The following DMBT1 variants were observed in gnomAD, a reference collection of about 807,000 sequenced individuals.
The protein encoded by DMBT1 is deleted in malignant brain tumors 1.
A neutral mutation model predicts 252.9 loss-of-function variants in DMBT1; 198 were observed. The observed-to-expected ratio is 0.78, with a 90% CI of 0.70 to 0.88. The LOEUF is 0.88. DMBT1 is among the 40% of genes least tolerant of loss of function. The pLI, the probability that DMBT1 is intolerant of heterozygous loss-of-function variation, is 0.00. For synonymous variants in DMBT1, 990 were observed against 942.7 expected (o/e 1.05, Z -0.92); for missense variants, 2,432 against 2,404.7 (o/e 1.01, Z -0.24).
chr10:122,600,067 C>T lies in DMBT1; in HGVS notation c.3284C>T (p.Ser1095Phe), dbSNP rs766342819. Residue 1095 changes from serine to phenylalanine, a missense_variant, in exon 27 of 56, where the codon TCC (serine) becomes TTC (phenylalanine). Ser to Phe is a radical substitution (Grantham distance 155). Coordinates refer to ENST00000338354, the MANE Select transcript of DMBT1 (RefSeq NM_001377530.1). The stretch of plus-strand genomic sequence containing the variant: ...CCTTCTCTTCTCTTTCTCACAGCTT[C>T]CCAGTCCCGGCCAACACCTAGTCCA... The part of the protein sequence containing the change: ...SEDAGVICSA[S>F]QSRPTPSPDT... 4 of 1,607,600 alleles carry T rather than the reference C, an allele frequency of 2.5e-6. No homozygotes were observed. The highest frequency in any genetic ancestry group is 3.4e-6 in the Non-Finnish European group (4 of 1,178,352).
At chr10:122,618,706 C>G (rs1009135705) in intron 41 of DMBT1, among the ~76,000 whole-genome samples, 2 of 152,216 alleles carry the variant, frequency 1.3e-5, no homozygotes, top group African/African-American at 2.4e-5. Context: ...GAGGGATCCT[C>G]TCACTACAAG....
chr10:122,621,413 G>T, intron 44 of DMBT1, 33 bp downstream of exon 44: 1 of 1,613,494 alleles, frequency 6.2e-7, no homozygotes, highest in Non-Finnish European at 8.5e-7. Context: ...TCCCTCTCTT[G>T]GGGTGGAGTT....
chr10:122,593,447 C>T, intron 20 of DMBT1, 122 bp from the exon 21 acceptor site: 1 of 1,178,412 alleles, frequency 8.5e-7, no homozygotes, highest in South Asian at 1.3e-5. Context: ...ATGTCCCTCC[C>T]TGTGTGATAG....
At chr10:122,579,985 C>G (rs940291378) in intron 10 of DMBT1, 84 bp downstream of exon 10, 35 of 1,594,270 alleles carry the variant, frequency 2.2e-5, no homozygotes, top group Non-Finnish European at 2.8e-5. Flanking sequence ...GATCTCCTCA[C>G]TCAAAGCTTC....
chr10:122,634,417 C>T (rs368221774), intron 52 of DMBT1, among the ~76,000 whole-genome samples: 8,965 of 80,434 alleles, frequency 0.11, 448 homozygotes, highest in African/African-American at 0.14. Context: ...TTCTTTCTCT[C>T]TCTCTCTCTC....
chr10:122,579,513 G>T, intron 9 of DMBT1, 65 bp from the exon 10 acceptor site: 1 of 1,609,382 alleles, frequency 6.2e-7, no homozygotes, highest in Non-Finnish European at 8.5e-7. Flanking sequence ...CCTGAGTGTG[G>T]AACTTACCTT....
chr10:122,588,689 G>A (rs906222457), intron 16 of DMBT1, among the ~76,000 whole-genome samples: 4 of 148,898 alleles, frequency 2.7e-5, no homozygotes, highest in East Asian at 2.1e-4. Flanking sequence ...GTAGGGAGTC[G>A]GTTGTCTATT....
intron 27 of DMBT1, among the ~76,000 whole-genome samples, 168 bp from the exon 28 acceptor site, chr10:122,600,823 C>T (rs531900353): frequency 2.0e-5 from 3 of 152,220 alleles, no homozygotes; most frequent in East Asian, 1.9e-4. Context: ...GACCTTTGTC[C>T]GTGGATGAGT....
chr10:122,573,967 C>T (rs547437585), intron 6 of DMBT1, among the ~76,000 whole-genome samples: 15 of 152,262 alleles, frequency 9.9e-5, no homozygotes, highest in Non-Finnish European at 1.2e-4. Context: ...CTTGAAGACG[C>T]GTCTCCAAGG....
rs767517344 is a variant in DMBT1 at position 122,621,094 on chromosome 10, A to T, written c.5322A>T (p.Gly1774=). The T allele has an allele frequency of 1.9e-6, 3 of 1,613,402 alleles. No homozygotes were observed. The African/African-American group carries it at 4.0e-5, about 22-fold the overall frequency. ...GTTTGGCTCTGAGGCTGGTGAATGG[A>T]GGTGACAGGTGTCGAGGCCGAGTGG... is the stretch of plus-strand genomic sequence containing the variant. The part of the protein sequence containing the change: ...ESSLALRLVN[G]GDRCRGRVEV... The change falls in exon 44 of 56, where the codon GGA becomes GGT. Residue 1774 remains glycine, a synonymous_variant. Coordinates refer to ENST00000338354, the MANE Select transcript of DMBT1 (RefSeq NM_001377530.1).
chr10:122,630,629 G>C, intron 48 of DMBT1, 139 bp downstream of exon 48: 2 of 978,688 alleles, frequency 2.0e-6, no homozygotes, highest in South Asian at 1.7e-5. Flanking sequence ...GGCACTGACT[G>C]TGTGGGCAGG....
At chr10:122,577,723 G>T (rs936087881) in intron 7 of DMBT1, 88 bp from the exon 8 acceptor site, 20 of 1,492,420 alleles carry the variant, frequency 1.3e-5, no homozygotes, top group Non-Finnish European at 1.9e-5. Flanking sequence ...ATCAGCTCAG[G>T]GTGTAGATAC....
At chr10:122,617,871 G>T in intron 40 of DMBT1, 146 bp from the exon 41 acceptor site, 5 of 1,428,838 alleles carry the variant, frequency 3.5e-6, no homozygotes, top group Non-Finnish European at 4.8e-6. Context: ...CTATGATAAA[G>T]CTGAACCTCC....
chr10:122,598,005 G>A lies in DMBT1; in HGVS notation c.2949G>A (p.Ser983=), dbSNP rs764331560. 8.1e-6 allele frequency: 13 copies of A among 1,613,830 alleles called. No individual in the cohort carries two copies. Among genetic ancestry groups the A allele is most frequent in the East Asian group, 2.2e-5 (1 of 44,870 alleles). ...TGCCGACCATCACCTTGCCTGCATCGACAGTAGGTAAATATTCCTCTCGCC... is the reference window on the plus strand; with the variant it reads ...TGCCGACCATCACCTTGCCTGCATCAACAGTAGGTAAATATTCCTCTCGCC... ...DTLPTITLPA[S]TVGSESSLAL... is the part of the protein sequence containing the mutation. Residue 983 remains serine (S), a synonymous_variant, in exon 25 of 56, where the codon TCG becomes TCA. Coordinates refer to ENST00000338354, the MANE Select transcript of DMBT1 (RefSeq NM_001377530.1).
chr10:122,642,896 A>C (rs2684736), intron 55 of DMBT1, among the ~76,000 whole-genome samples: 1 of 151,476 alleles, frequency 6.6e-6, no homozygotes, highest in African/African-American at 2.4e-5. Context: ...GAAAGCTCTC[A>C]CAGGCTTTGC....
rs541168019 is a variant in DMBT1, at chr10:122,565,853, T to C, written c.62-114T>C. On this transcript the variant is annotated intron_variant, in intron 1 of 55. Coordinates refer to ENST00000338354, the MANE Select transcript of DMBT1 (RefSeq NM_001377530.1). ...ACGTCGGGGACACACAAACCCAAGA[T>C]TGAGCCACAGCGCCCTCTGGTGTGA... The C allele has an allele frequency of 4.1e-5, 41 of 999,504 alleles. 1 individual carries two copies. In the Middle Eastern group the frequency reaches 8.2e-4, roughly 20 times the overall value. The allele number at this position is 999,504 out of a possible 1,614,324, so 61.9% of individuals were successfully genotyped here. A position where few individuals can be genotyped will look rare whatever the true frequency, so the allele number is the denominator to read the frequency against.
intron 16 of DMBT1, among the ~76,000 whole-genome samples, chr10:122,588,164 G>A (rs2097808022): frequency 6.7e-6 from 1 of 148,490 alleles, no homozygotes; most frequent in East Asian, 2.1e-4. Flanking sequence ...TCAACAGTAG[G>A]TACAGAATCT....
rs750957369 is a variant in DMBT1 at position 122,625,299 on chromosome 10, G to A, written c.5631G>A (p.Thr1877=). Residue 1877 remains threonine, a synonymous_variant, in exon 45 of 56, where the codon ACG becomes ACA. Coordinates refer to ENST00000338354, the MANE Select transcript of DMBT1 (RefSeq NM_001377530.1). ...CAGCCACCCAAATAAATTCTACTAC[G>A]ACAGGTGAGTCTGCTACACCCCAGT... ...ICSATQINST[T]TDWWHPTTTT... The A allele has an allele frequency of 2.9e-5, 46 of 1,610,732 alleles. No homozygotes were observed. Among genetic ancestry groups the A allele is most frequent in the Non-Finnish European group, 3.1e-5 (36 of 1,178,506 alleles).
At position 122,579,756 on chromosome 10, in the gene DMBT1, T is replaced by C; in HGVS notation, c.858T>C (p.Asn286=). 5 of 1,613,768 alleles carry C rather than the reference T, an allele frequency of 3.1e-6. No homozygotes were observed. Among genetic ancestry groups the C allele is most frequent in the Non-Finnish European group, 4.2e-6 (5 of 1,179,762 alleles). The change falls in exon 10 of 56, where the codon AAT becomes AAC. Residue 286 remains asparagine, a synonymous_variant. Transcript: ENST00000338354. ...GCGWAMSAPG[N]AQFGQGSGPI... ...GCTGGGCCATGTCAGCCCCAGGAAA[T>C]GCCCAGTTTGGCCAGGGCTCAGGAC...
Sources: allele counts gnomAD v4.1 joint callset (sites outside exome capture counted in the v4.1 genomes callset), GRCh38; gene constraint gnomAD v4.1.1; transcripts MANE v1.5; gene names NCBI Gene and HGNC (gene_info 2026-07-23, HGNC 2026-07-21).